ANKDD1A: variants seen among roughly 807,000 people sequenced by gnomAD.
The protein encoded by ANKDD1A is ankyrin repeat and death domain containing 1A, also known as ankyrin repeat and death domain-containing protein 1A.
A neutral mutation model predicts 63.5 loss-of-function variants in ANKDD1A; 59 were observed. That is an observed-to-expected ratio of 0.93 (90% CI 0.75 to 1.15). The LOEUF is 1.15. Among genes scored for constraint, ANKDD1A ranks in the 50% most tolerant of loss-of-function variants. The pLI is 0.00. For missense variants in ANKDD1A, 632 were observed against 656.4 expected, an observed-to-expected ratio of 0.96 and a Z score of 0.41; for synonymous variants, 266 against 263.9, an observed-to-expected ratio of 1.01 and a Z score of -0.08.
chr15:64,955,138 C>G (rs2085406904), intron 14 of ANKDD1A, among the ~76,000 whole-genome samples: 1 of 151,934 alleles, frequency 6.6e-6, no homozygotes, highest in African/African-American at 2.4e-5. Flanking sequence ...ACTGCAACCT[C>G]CACCTCCCAG....
At chr15:64,941,352 T>C (rs1474247151) in intron 9 of ANKDD1A, among the ~76,000 whole-genome samples, 2 of 152,244 alleles carry the variant, frequency 1.3e-5, no homozygotes, top group East Asian at 3.9e-4. Context: ...TTATAAAGAA[T>C]GGAGATTTAT....
intron 8 of ANKDD1A, chr15:64,931,817 C>T (rs1258940509): frequency 5.0e-6 from 3 of 600,120 alleles, no homozygotes; most frequent in Non-Finnish European, 8.9e-6. Context: ...TACTTTTTTA[C>T]ATTGTTGTGA....
At chr15:64,937,446 C>T (rs567678522) in intron 9 of ANKDD1A, among the ~76,000 whole-genome samples, 6 of 152,016 alleles carry the variant, frequency 3.9e-5, no homozygotes, top group South Asian at 4.2e-4. Flanking sequence ...AGAATGAGGA[C>T]GGCCGGGCGC....
Position 64,915,797 on chromosome 15 carries a change from T to G in ANKDD1A, c.35T>G (p.Leu12Arg), listed in dbSNP as rs775768426. Reference sequence around the variant, plus strand: ...CCTGCACCCCATTTTCTCCCCACAGTGCTTCCTCTGGAGAGGCAGCTCCAC... The same window carrying G: ...CCTGCACCCCATTTTCTCCCCACAGGGCTTCCTCTGGAGAGGCAGCTCCAC... ...QEELAWETDGLLPLERQLHEA... is the reference protein window; with the variant it reads ...QEELAWETDGRLPLERQLHEA... Residue 12 changes from leucine (L) to arginine (R), a missense_variant and splice_region_variant, in exon 2 of 15, where the codon CTG (leucine) becomes CGG (arginine). Transcript: ENST00000319580. The G allele has an allele frequency of 6.2e-7, 1 of 1,613,836 alleles. No individual in the cohort carries two copies. Among genetic ancestry groups the G allele is most frequent in the South Asian group, 1.1e-5 (1 of 91,062 alleles).
chr15:64,911,920 G>T lies in ANKDD1A; in HGVS notation c.-11G>T. On this transcript the variant is annotated 5_prime_UTR_variant, in exon 1 of 15. Coordinates refer to ENST00000319580, the MANE Select transcript of ANKDD1A (RefSeq NM_182703.6). ...GGGCACCAGCGCGCGCAGGGGCTGCGGAGCGGCAGGATGCAGGAGGAGCTG... is the reference window on the plus strand; with the variant it reads ...GGGCACCAGCGCGCGCAGGGGCTGCTGAGCGGCAGGATGCAGGAGGAGCTG... 4.0e-6 allele frequency: 5 copies of T among 1,250,846 alleles called. No individual in the cohort carries two copies. Among genetic ancestry groups the T allele is most frequent in the Non-Finnish European group, 4.0e-6 (4 of 993,450 alleles). The allele number at this position is 1,250,846 out of a possible 1,614,324, so 77.5% of individuals were successfully genotyped here.
intron 9 of ANKDD1A, among the ~76,000 whole-genome samples, chr15:64,936,668 C>T (rs936984319): frequency 7.3e-5 from 11 of 151,714 alleles, no homozygotes; most frequent in African/African-American, 1.9e-4. Context: ...GTGAGACCCC[C>T]GTATCTACAA....
intron 8 of ANKDD1A, 31 bp downstream of exon 8, chr15:64,931,616 C>T (rs1039410336): frequency 1.2e-6 from 2 of 1,605,708 alleles, no homozygotes; most frequent in Non-Finnish European, 1.7e-6. Context: ...CTGCGGTCGG[C>T]TCTTGGCTGC....
At chr15:64,953,901 CTT>C (rs2085365181) in intron 14 of ANKDD1A, among the ~76,000 whole-genome samples, 1 of 18,646 alleles carries the variant, frequency 5.4e-5, no homozygotes. Flanking sequence ...TCTTTTCTTT[CTT>C]CCCTCTTCTT....
chr15:64,955,533 T>C (rs2085409832), intron 14 of ANKDD1A, among the ~76,000 whole-genome samples: 1 of 152,204 alleles, frequency 6.6e-6, no homozygotes, highest in African/African-American at 2.4e-5. Flanking sequence ...GGGATGTGTT[T>C]CTGGGGAATT....
intron 9 of ANKDD1A, among the ~76,000 whole-genome samples, chr15:64,940,060 T>C (rs1454801911): frequency 1.3e-5 from 2 of 151,180 alleles, no homozygotes; most frequent in African/African-American, 4.9e-5. Flanking sequence ...AAACAAGCTA[T>C]GGACCAAGAG....
chr15:64,925,779 G>T (rs2085041848), intron 4 of ANKDD1A, among the ~76,000 whole-genome samples: 1 of 152,200 alleles, frequency 6.6e-6, no homozygotes, highest in African/African-American at 2.4e-5. Context: ...AGTTTGTCCT[G>T]TGTGAAAGTG....
chr15:64,952,902 CCTTCT>C (rs1405383017), intron 14 of ANKDD1A, among the ~76,000 whole-genome samples: 1 of 121,844 alleles, frequency 8.2e-6, no homozygotes, highest in Non-Finnish European at 1.9e-5. Flanking sequence ...CCTTCTCCTT[CCTTCT>C]CTTCTTCTCC....
rs1397783744 is a variant in ANKDD1A at position 64,915,831 on chromosome 15, C to T, written c.69C>T (p.Ala23=). ...TGGAGAGGCAGCTCCACGAGGCCGCCCGCCAGAACAATGTCGGCAGGATGC... is the reference window on the plus strand; with the variant it reads ...TGGAGAGGCAGCTCCACGAGGCCGCTCGCCAGAACAATGTCGGCAGGATGC... The part of the protein sequence containing the change: ...LPLERQLHEA[A]RQNNVGRMQE... Residue 23 remains alanine (A), a synonymous_variant, in exon 2 of 15, where the codon GCC becomes GCT. Transcript: ENST00000319580. The T allele has an allele frequency of 6.2e-7, 1 of 1,614,060 alleles. No individual in the cohort carries two copies. The highest frequency in any genetic ancestry group is 8.5e-7 in the Non-Finnish European group (1 of 1,179,984).
intron 4 of ANKDD1A, among the ~76,000 whole-genome samples, chr15:64,923,404 A>G (rs2085021925): frequency 1.3e-5 from 2 of 152,204 alleles, no homozygotes; most frequent in African/African-American, 2.4e-5. Flanking sequence ...TGAAGCTTAT[A>G]GTAATTTGTT....
chr15:64,926,301 G>T, intron 5 of ANKDD1A, 131 bp downstream of exon 5: 1 of 889,130 alleles, frequency 1.1e-6, no homozygotes. Context: ...CTGGCCTGGG[G>T]AGCCGCTGGT....
chr15:64,943,725 C>G (rs2085203224), intron 11 of ANKDD1A, 143 bp downstream of exon 11: 1 of 766,140 alleles, frequency 1.3e-6, no homozygotes, highest in African/African-American at 1.7e-5. Context: ...AATGCAGCCT[C>G]CTCCAGGAAG....
rs111072543 is a variant in ANKDD1A at position 64,953,959 on chromosome 15, C to T, written c.1484-3144C>T. Among the ~76,000 whole-genome samples the T allele has an allele frequency of 9.0e-3, 940 of 104,110 alleles. 14 individuals carry two copies. Among genetic ancestry groups the T allele is most frequent in the African/African-American group, 0.037 (867 of 23,716 alleles). The allele number at this position is 104,110 out of a possible 152,430, so 68.3% of individuals were successfully genotyped here. On this transcript the variant is annotated intron_variant, in intron 14 of 14. Transcript: ENST00000319580. ...TTTTCTTCCTCTTCTTCTATTGTTT[C>T]TTTTTTTCTTCTTTCTTCCTCTATC...
intron 14 of ANKDD1A, among the ~76,000 whole-genome samples, chr15:64,953,249 TCTTTC>T (rs2085335353): frequency 1.4e-5 from 2 of 143,358 alleles, no homozygotes; most frequent in South Asian, 2.2e-4. Flanking sequence ...TCTTTCCTCC[TCTTTC>T]TTCTTCTTAG....
At chr15:64,922,820 TC>T (rs2085017081) in intron 4 of ANKDD1A, among the ~76,000 whole-genome samples, 1 of 152,154 alleles carries the variant, frequency 6.6e-6, no homozygotes, top group Non-Finnish European at 1.5e-5. Context: ...TAGCATTTTT[TC>T]CAATCATGAA....
Sources: gnomAD v4.1 joint callset for allele counts (sites outside exome capture counted in the v4.1 genomes callset) on GRCh38, gnomAD v4.1.1 for gene constraint, MANE v1.5 for transcripts, NCBI Gene and HGNC (gene_info 2026-07-23, HGNC 2026-07-21) for gene names.